The following CEP152 variants were observed in gnomAD, a reference collection of about 807,000 sequenced individuals.
CEP152 encodes the protein centrosomal protein of 152 kDa.
A neutral mutation model predicts 188.9 loss-of-function variants in CEP152; 132 were observed. That is an observed-to-expected ratio of 0.70 (90% confidence interval 0.61 to 0.81). The LOEUF (loss-of-function observed/expected upper bound fraction) is 0.81. CEP152 is among the 30% of genes least tolerant of loss of function. CEP152 has a pLI of 0.00. For missense variants in CEP152, 1,914 were observed against 1,969.8 expected (o/e 0.97, Z 0.54); for synonymous variants, 649 against 666.6 (o/e 0.97, Z 0.41).
At chr15:48,785,211 T>C (rs1896546123) in intron 9 of CEP152, among the ~76,000 whole-genome samples, 1 of 152,166 alleles carries the variant, frequency 6.6e-6, no homozygotes, top group Non-Finnish European at 1.5e-5. Context: ...CACCAATACA[T>C]AACTACCTTG....
intron 18 of CEP152, among the ~76,000 whole-genome samples, chr15:48,762,142 G>A (rs988891958): frequency 2.6e-5 from 4 of 152,204 alleles, no homozygotes; most frequent in African/African-American, 4.8e-5. Context: ...GCATCTTAAT[G>A]CTTAGACTAA....
At chr15:48,776,039 G>GAA (rs58654002) in intron 12 of CEP152, among the ~76,000 whole-genome samples, 10,975 of 146,942 alleles carry the variant, frequency 0.075, 622 homozygotes, top group Admixed American at 0.18. Flanking sequence ...AAAGCTAAGG[G>GAA]AAAAAAAAAA....
chr15:48,797,515 C>T lies in CEP152; in HGVS notation c.326G>A (p.Arg109Lys). ...EKCGNVWEEN[R>K]SKTEDRHPVY... ...AGGATGTCGGTCTTCAGTTTTACTT[C>T]TATTTTCTTCCCAGACATTACCACA... is the stretch of plus-strand genomic sequence containing the variant. Residue 109 changes from arginine (R) to lysine (K), a missense_variant, in exon 5 of 27, where the codon AGA (arginine) becomes AAA (lysine). Transcript: ENST00000380950. The T allele has an allele frequency of 6.2e-7, 1 of 1,614,104 alleles. No individual in the cohort carries two copies. The highest frequency in any genetic ancestry group is 8.5e-7 in the Non-Finnish European group (1 of 1,179,992).
At chr15:48,767,217 A>C in intron 16 of CEP152, 25 bp from the exon 17 acceptor site, 3 of 1,613,914 alleles carry the variant, frequency 1.9e-6, no homozygotes, top group Non-Finnish European at 2.5e-6. Flanking sequence ...ACCAGCAACT[A>C]AATGATTTAA....
chr15:48,801,227 A>C (rs932905413), intron 2 of CEP152, among the ~76,000 whole-genome samples: 2 of 152,214 alleles, frequency 1.3e-5, no homozygotes, highest in African/African-American at 4.8e-5. Context: ...ATACACGCTA[A>C]ATGTAAACAA....
chr15:48,736,926 G>GT (rs967735020), downstream of CEP152, among the ~76,000 whole-genome samples: 5 of 152,232 alleles, frequency 3.3e-5, no homozygotes, highest in Admixed American at 2.6e-4. Context: ...CTGTTTTAGA[G>GT]TTTTTTTCTA....
At chr15:48,741,454 T>G (rs1298478295) in intron 26 of CEP152, 147 bp downstream of exon 26, 1 of 1,519,108 alleles carries the variant, frequency 6.6e-7, no homozygotes, top group African/African-American at 1.4e-5. Flanking sequence ...GTACTCTTTT[T>G]GCGTAAACTT....
At chr15:48,741,811 C>T in intron 25 of CEP152, 107 bp from the exon 26 acceptor site, 1 of 1,609,212 alleles carries the variant, frequency 6.2e-7, no homozygotes, top group Non-Finnish European at 8.5e-7. Flanking sequence ...TTTAGGGTAG[C>T]ACAGCCATAA....
chr15:48,771,135 A>T (rs1234951195), intron 13 of CEP152, among the ~76,000 whole-genome samples: 1 of 152,054 alleles, frequency 6.6e-6, no homozygotes, highest in Non-Finnish European at 1.5e-5. Flanking sequence ...TGAAATATGG[A>T]AGGGTAAAAA....
chr15:48,797,792 A>T lies in CEP152; in HGVS notation c.192-62T>A, dbSNP rs1897404985. On this transcript the variant is annotated intron_variant, in intron 3 of 26. Coordinates refer to ENST00000380950, the MANE Select transcript of CEP152 (RefSeq NM_001194998.2). ...CATTTATTTGTACATAGATAACACAAAGAACCCCAAGATTTTAACCTTTTT... is the reference window on the plus strand; with the variant it reads ...CATTTATTTGTACATAGATAACACATAGAACCCCAAGATTTTAACCTTTTT... 1.9e-6 allele frequency: 3 copies of T among 1,579,472 alleles called. No homozygotes were observed. In the Admixed American group the frequency reaches 5.0e-5, roughly 26 times the overall value.
intron 2 of CEP152, 26 bp downstream of exon 2, chr15:48,805,537 T>TC: frequency 1.0e-5 from 9 of 887,474 alleles, no homozygotes; most frequent in Admixed American, 3.3e-5. Context: ...TAGTGTCTCT[T>TC]TTTTTTTTTT....
chr15:48,804,672 A>T (rs1172683459), intron 2 of CEP152, among the ~76,000 whole-genome samples: 3 of 152,228 alleles, frequency 2.0e-5, no homozygotes, highest in African/African-American at 7.2e-5. Flanking sequence ...TATAAATAAT[A>T]TGGTCTCTCC....
At chr15:48,765,667 T>TG (rs1566996414) in intron 17 of CEP152, 5 of 396,134 alleles carry the variant, frequency 1.3e-5, no homozygotes, top group African/African-American at 1.0e-4. Context: ...TTTTTTTTTT[T>TG]TTGAGAGACG....
chr15:48,799,237 A>C (rs1897522101), intron 2 of CEP152, among the ~76,000 whole-genome samples: 1 of 152,152 alleles, frequency 6.6e-6, no homozygotes, highest in Non-Finnish European at 1.5e-5. Flanking sequence ...AAGAAATGGA[A>C]TGTGTCCATA....
intron 11 of CEP152, among the ~76,000 whole-genome samples, 154 bp downstream of exon 11, chr15:48,781,985 A>G (rs1385908629): frequency 3.9e-5 from 6 of 152,182 alleles, no homozygotes; most frequent in Admixed American, 2.0e-4. Flanking sequence ...TGACTTGCCA[A>G]CTGTGTGAAG....
At chr15:48,797,813 T>G in intron 3 of CEP152, 83 bp from the exon 4 acceptor site, 1 of 1,550,620 alleles carries the variant, frequency 6.4e-7, no homozygotes, top group South Asian at 1.1e-5. Flanking sequence ...GATTTTAACC[T>G]TTTTCCTTCC....
At chr15:48,787,351 C>T (rs1177979252) in intron 9 of CEP152, among the ~76,000 whole-genome samples, 11 of 151,344 alleles carry the variant, frequency 7.3e-5, no homozygotes, top group Admixed American at 2.6e-4. Flanking sequence ...ATTTTTTCTT[C>T]GTAAAGACAA....
chr15:48,807,509 T>G (rs1439002488), intron 1 of CEP152, among the ~76,000 whole-genome samples: 1 of 150,342 alleles, frequency 6.7e-6, no homozygotes, highest in East Asian at 2.0e-4. Flanking sequence ...GAGCCGAGAT[T>G]GCGCCACTGC....
At chr15:48,750,357 A>G (rs1893784302) in intron 21 of CEP152, among the ~76,000 whole-genome samples, 2 of 152,202 alleles carry the variant, frequency 1.3e-5, no homozygotes, top group Non-Finnish European at 2.9e-5. Flanking sequence ...GACTATTAAC[A>G]TAAGTGATAT....
Sources: allele counts gnomAD v4.1 joint callset (sites outside exome capture counted in the v4.1 genomes callset), GRCh38; gene constraint gnomAD v4.1.1; transcripts MANE v1.5; gene names NCBI Gene and HGNC (gene_info 2026-07-23, HGNC 2026-07-21).